The following LRP1B variants were observed in gnomAD, a reference collection of about 807,000 sequenced individuals.
The protein encoded by LRP1B is LDL receptor related protein 1B.
LRP1B carries 217 observed loss-of-function variants against 556.6 expected under a neutral mutation model. The ratio of observed to expected loss-of-function variants is 0.39; its 90% CI spans 0.35 to 0.44. The LOEUF is 0.44. LRP1B is among the 20% of genes least tolerant of loss of function. The pLI is 1.00. For synonymous variants in LRP1B, 2,047 were observed against 1,865.8 expected (o/e 1.10, Z -2.50); for missense variants, 5,053 against 5,620.8 (o/e 0.90, Z 3.23).
In LRP1B at chr2:142,029,936, A is replaced by AG. The variant is rs1559032029; in HGVS notation, c.82+100711_82+100712insC. Among the ~76,000 whole-genome samples, 5 of 151,656 alleles carry AG rather than the reference A, an allele frequency of 3.3e-5. No homozygotes were observed. The East Asian group carries it at 7.8e-4, about 24-fold the overall frequency. ...TAGAGCTTGCAATAAATATCTCATCATTACTCAAACTTGCTGAACACTGAC... is the reference window on the plus strand; with the variant it reads ...TAGAGCTTGCAATAAATATCTCATCAGTTACTCAAACTTGCTGAACACTGAC... On this transcript the variant is annotated intron_variant, in intron 1 of 90. Coordinates refer to ENST00000389484, the MANE Select transcript of LRP1B (RefSeq NM_018557.3).
chr2:141,960,699 CAT>C (rs1177536696), intron 1 of LRP1B, among the ~76,000 whole-genome samples: 1 of 151,798 alleles, frequency 6.6e-6, no homozygotes, highest in Non-Finnish European at 1.5e-5. Flanking sequence ...GGAATTATAA[CAT>C]ATCATTCTCC....
chr2:140,742,351 T>C (rs1348560842), intron 35 of LRP1B, among the ~76,000 whole-genome samples: 2 of 152,168 alleles, frequency 1.3e-5, no homozygotes, highest in Non-Finnish European at 2.9e-5. Flanking sequence ...AGTTCTCTCA[T>C]GTTTAGTTCT....
chr2:141,702,010 C>G (rs1691955723), intron 2 of LRP1B, among the ~76,000 whole-genome samples: 1 of 151,804 alleles, frequency 6.6e-6, no homozygotes, highest in African/African-American at 2.4e-5. Flanking sequence ...AACCAAATGC[C>G]AAACAACCAC....
At chr2:141,471,569 A>G (rs1192925894) in intron 3 of LRP1B, among the ~76,000 whole-genome samples, 3 of 152,116 alleles carry the variant, frequency 2.0e-5, no homozygotes, top group African/African-American at 7.2e-5. Context: ...TTAGAGTGAG[A>G]TGCCTGTCAA....
At chr2:140,680,254 G>A (rs1184459838) in intron 41 of LRP1B, among the ~76,000 whole-genome samples, 1 of 152,084 alleles carries the variant, frequency 6.6e-6, no homozygotes, top group Non-Finnish European at 1.5e-5. Flanking sequence ...ACTCCCACAC[G>A]TAGGCATGGA....
intron 2 of LRP1B, among the ~76,000 whole-genome samples, chr2:141,496,004 T>C (rs574262066): frequency 1.3e-5 from 2 of 152,224 alleles, no homozygotes; most frequent in East Asian, 3.9e-4. Flanking sequence ...AAAACTATCA[T>C]GGAAACACTG....
intron 62 of LRP1B, among the ~76,000 whole-genome samples, chr2:140,452,515 T>C (rs1383876219): frequency 6.6e-6 from 1 of 152,120 alleles, no homozygotes; most frequent in Non-Finnish European, 1.5e-5. Flanking sequence ...ATTGAAAACA[T>C]TTCTAAATGT....
chr2:141,443,127 T>C (rs1681048168), intron 3 of LRP1B, among the ~76,000 whole-genome samples: 1 of 152,190 alleles, frequency 6.6e-6, no homozygotes, highest in African/African-American at 2.4e-5. Flanking sequence ...CCATTCTAAC[T>C]GGCATGAGAT....
chr2:140,788,572 C>T (rs1357891934), intron 32 of LRP1B, among the ~76,000 whole-genome samples: 2 of 152,116 alleles, frequency 1.3e-5, no homozygotes, highest in East Asian at 1.9e-4. Context: ...AATATTAGAA[C>T]CTCTCTATTT....
At chr2:141,185,408 T>A (rs1220484172) in intron 7 of LRP1B, among the ~76,000 whole-genome samples, 1 of 151,948 alleles carries the variant, frequency 6.6e-6, no homozygotes, top group Non-Finnish European at 1.5e-5. Context: ...CTCTAATGAC[T>A]ATAGAGAAAT....
intron 37 of LRP1B, among the ~76,000 whole-genome samples, chr2:140,705,686 T>A (rs1217071138): frequency 1.6e-5 from 1 of 62,306 alleles, no homozygotes; most frequent in African/African-American, 4.4e-5. Flanking sequence ...GAGGCTGAGA[T>A]AAATGTAAAA....
chr2:141,250,008 A>G (rs1052434721), intron 4 of LRP1B, among the ~76,000 whole-genome samples: 1 of 152,122 alleles, frequency 6.6e-6, no homozygotes, highest in African/African-American at 2.4e-5. Context: ...AATTCTGGAG[A>G]AAGGGGGTGA....
At chr2:140,709,975 A>G (rs1392355521) in intron 37 of LRP1B, among the ~76,000 whole-genome samples, 1 of 152,110 alleles carries the variant, frequency 6.6e-6, no homozygotes, top group East Asian at 1.9e-4. Context: ...CAAGTTTAAC[A>G]TTTAAATGAG....
intron 3 of LRP1B, among the ~76,000 whole-genome samples, chr2:141,305,914 T>C (rs555025407): frequency 1.5e-4 from 23 of 152,320 alleles, no homozygotes; most frequent in African/African-American, 5.5e-4. Context: ...TGTTGAACCA[T>C]CCTTGCATAA....
At chr2:140,979,442 A>G (rs1245743868) in intron 18 of LRP1B, among the ~76,000 whole-genome samples, 3 of 152,216 alleles carry the variant, frequency 2.0e-5, no homozygotes, top group Non-Finnish European at 4.4e-5. Context: ...TAATTTTACT[A>G]CATTGCTCTT....
chr2:140,239,506 C>T lies in LRP1B; in HGVS notation c.13351G>A (p.Val4451Ile), dbSNP rs369522771. The T allele has an allele frequency of 1.6e-5, 25 of 1,601,842 alleles. No individual in the cohort carries two copies. Among genetic ancestry groups the T allele is most frequent in the East Asian group, 1.1e-4 (5 of 44,232 alleles). ...TRSIAIIVPLVLLVTLITTLV... is the reference protein window; with the variant it reads ...TRSIAIIVPLILLVTLITTLV... ...GTGGTTATCAAAGTCACCAAGAGGA[C>T]GAGAGGCACAATGATGGCAATGCTT... Residue 4451 changes from valine to isoleucine, a missense_variant, in exon 88 of 91, where the codon GTC (valine) becomes ATC (isoleucine). Physicochemically the swap from Val to Ile is conservative, Grantham distance 29 (BLOSUM62 3). This residue lies in a region of LRP1B where 551 missense variants were observed against 592.0 expected (regional missense o/e 0.93). Coordinates refer to ENST00000389484, the MANE Select transcript of LRP1B (RefSeq NM_018557.3).
At chr2:141,099,142 C>T (rs1318627833) in intron 7 of LRP1B, among the ~76,000 whole-genome samples, 1 of 151,904 alleles carries the variant, frequency 6.6e-6, no homozygotes, top group East Asian at 1.9e-4. Context: ...AGATTTAATG[C>T]CAAAGGACTT....
Position 140,494,801 on chromosome 2 carries a change from G to GA in LRP1B, c.9034+763dup, listed in dbSNP as rs541429805. Among the ~76,000 whole-genome samples, 21 of 151,434 alleles carry GA rather than the reference G, an allele frequency of 1.4e-4. 1 individual carries two copies. In the East Asian group the frequency reaches 3.7e-3, roughly 27 times the overall value. ...TGATAGCTATTTTATTAAAGTGGTTGAAAAAAACAGCTAATGTTTTAAATG... is the reference window on the plus strand; with the variant it reads ...TGATAGCTATTTTATTAAAGTGGTTGAAAAAAAACAGCTAATGTTTTAAATG... On this transcript the variant is annotated intron_variant, in intron 56 of 90. Coordinates refer to ENST00000389484, the MANE Select transcript of LRP1B (RefSeq NM_018557.3).
At chr2:140,832,812 C>T (rs1313727209) in intron 31 of LRP1B, among the ~76,000 whole-genome samples, 1 of 152,064 alleles carries the variant, frequency 6.6e-6, no homozygotes, top group Non-Finnish European at 1.5e-5. Flanking sequence ...AGAATAAGAT[C>T]TAGTGTTTGA....
Sources: allele counts gnomAD v4.1 joint callset (sites outside exome capture counted in the v4.1 genomes callset), GRCh38; gene constraint gnomAD v4.1.1; regional missense constraint gnomAD v4.1.1; transcripts MANE v1.5; gene names NCBI Gene and HGNC (gene_info 2026-07-23, HGNC 2026-07-21).